The following UTRN variants were observed in gnomAD, a reference collection of about 807,000 sequenced individuals.
The protein encoded by UTRN is utrophin.
In UTRN, 283 loss-of-function variants were observed where a neutral mutation model predicts 463.9. The ratio of observed to expected loss-of-function variants is 0.61; its 90% CI spans 0.55 to 0.67. The LOEUF (loss-of-function observed/expected upper bound fraction) is 0.67, where lower values mean the gene tolerates loss of function less well. Among genes scored for constraint, UTRN ranks in the 30% least tolerant of loss-of-function variants. UTRN has a pLI of 0.00. For missense variants in UTRN, 3,922 were observed against 4,084.3 expected (o/e 0.96, Z 1.08); for synonymous variants, 1,442 against 1,431.5 (o/e 1.01, Z -0.17).
chr6:144,795,294 C>A (rs542766003), intron 63 of UTRN, among the ~76,000 whole-genome samples: 227 of 152,178 alleles, frequency 1.5e-3, no homozygotes, highest in African/African-American at 5.1e-3. Flanking sequence ...GGGTTGGTTC[C>A]AACTCTTTGC....
intron 14 of UTRN, among the ~76,000 whole-genome samples, chr6:144,446,694 T>A (rs1263990991): frequency 6.6e-6 from 1 of 152,240 alleles, no homozygotes; most frequent in Non-Finnish European, 1.5e-5. Context: ...ATAATTGCTG[T>A]TGAACCTTGA....
intron 53 of UTRN, among the ~76,000 whole-genome samples, chr6:144,722,906 C>G (rs1787367100): frequency 6.6e-6 from 1 of 152,150 alleles, no homozygotes; most frequent in Admixed American, 6.5e-5. Context: ...CAGGTGGTAC[C>G]AGCCAAAGAA....
chr6:144,750,846 G>C (rs1409831019), intron 55 of UTRN, among the ~76,000 whole-genome samples: 1 of 152,056 alleles, frequency 6.6e-6, no homozygotes, highest in Non-Finnish European at 1.5e-5. Flanking sequence ...TCTTTACTGG[G>C]AACGTCAAGA....
chr6:144,375,962 A>G (rs1261779207), intron 2 of UTRN, among the ~76,000 whole-genome samples: 7 of 151,972 alleles, frequency 4.6e-5, no homozygotes, highest in African/African-American at 1.2e-4. Flanking sequence ...TATAAGTTGT[A>G]ATGGGTTTTT....
intron 52 of UTRN, among the ~76,000 whole-genome samples, chr6:144,686,871 A>G (rs889581007): frequency 3.9e-5 from 6 of 152,048 alleles, no homozygotes; most frequent in African/African-American, 1.4e-4. Context: ...AATTTAGACC[A>G]TTTATGTTCA....
chr6:144,774,473 C>A, intron 60 of UTRN, 109 bp downstream of exon 60: 1 of 935,458 alleles, frequency 1.1e-6, no homozygotes, highest in Non-Finnish European at 1.6e-6. Context: ...TTAATCTGGT[C>A]TTCAGTGTAC....
At chr6:144,594,663 A>G (rs1803460672) in intron 51 of UTRN, among the ~76,000 whole-genome samples, 1 of 152,138 alleles carries the variant, frequency 6.6e-6, no homozygotes, top group Non-Finnish European at 1.5e-5. Flanking sequence ...AAAATGTACA[A>G]TTCAGTGCTT....
chr6:144,830,879 A>G (rs1183055428), intron 69 of UTRN, among the ~76,000 whole-genome samples: 1 of 152,194 alleles, frequency 6.6e-6, no homozygotes, highest in East Asian at 1.9e-4. Flanking sequence ...GTGGTGTACA[A>G]ATGTGTATCT....
chr6:144,656,273 A>G (rs764596039), intron 51 of UTRN, among the ~76,000 whole-genome samples: 2 of 152,200 alleles, frequency 1.3e-5, no homozygotes, highest in Non-Finnish European at 2.9e-5. Context: ...TATTGCTTAC[A>G]CTGGAGGCAT....
intron 46 of UTRN, among the ~76,000 whole-genome samples, chr6:144,546,802 C>T (rs1371740220): frequency 2.0e-5 from 3 of 150,902 alleles, no homozygotes; most frequent in African/African-American, 4.9e-5. Flanking sequence ...GAGTGAGCCC[C>T]TATCTCAAAG....
At chr6:144,766,948 T>G (rs1420130639) in intron 58 of UTRN, among the ~76,000 whole-genome samples, 1 of 152,016 alleles carries the variant, frequency 6.6e-6, no homozygotes, top group African/African-American at 2.4e-5. Context: ...ATTTCTCAGT[T>G]AAAGGGGAGA....
chr6:144,762,196 G>A (rs942728455), intron 58 of UTRN, among the ~76,000 whole-genome samples: 10 of 152,158 alleles, frequency 6.6e-5, no homozygotes, highest in Non-Finnish European at 1.3e-4. Context: ...AGATTACACA[G>A]CTGGTAAATA....
At chr6:144,546,311 A>G (rs1471301663) in intron 46 of UTRN, among the ~76,000 whole-genome samples, 1 of 152,176 alleles carries the variant, frequency 6.6e-6, no homozygotes, top group Admixed American at 6.5e-5. Context: ...CATTACCAGC[A>G]CCTCAACACT....
In UTRN at chr6:144,539,164, A is replaced by C. The variant is rs566051928; in HGVS notation, c.6370-130A>C. 4.6e-5 allele frequency: 49 copies of C among 1,054,104 alleles called. No individual in the cohort carries two copies. The South Asian group carries it at 8.9e-4, about 19-fold the overall frequency. The allele number at this position is 1,054,104 out of a possible 1,614,324, so 65.3% of individuals were successfully genotyped here. On this transcript the variant is annotated intron_variant, in intron 44 of 74. Transcript: ENST00000367545. Reference sequence around the variant, plus strand: ...GTTAGCATGAGCTTAAGCTTCTTATAAGTTTATTTTTTCACTTAACAAATT... The same window carrying C: ...GTTAGCATGAGCTTAAGCTTCTTATCAGTTTATTTTTTCACTTAACAAATT...
At chr6:144,427,356 T>C (rs1785387923) in intron 7 of UTRN, among the ~76,000 whole-genome samples, 3 of 152,224 alleles carry the variant, frequency 2.0e-5, no homozygotes, top group Admixed American at 2.0e-4. Flanking sequence ...TCTATGTTTT[T>C]TTGCTGGTAT....
rs190573705 is a variant in UTRN, at chr6:144,342,419, C to T, written c.79+50512C>T. Among the ~76,000 whole-genome samples, 34 of 151,868 alleles carry T rather than the reference C, an allele frequency of 2.2e-4. 1 individual carries two copies. The highest frequency in any genetic ancestry group is 1.7e-3 in the East Asian group (9 of 5,176). On this transcript the variant is annotated intron_variant, in intron 2 of 74. Transcript: ENST00000367545. ...TGAAAATGTATGCCCACATCAAAAA[C>T]GTGTACACAAATGCTCATAGCAGAA... is the stretch of plus-strand genomic sequence containing the variant.
intron 51 of UTRN, among the ~76,000 whole-genome samples, chr6:144,601,630 T>C (rs995915194): frequency 4.6e-5 from 7 of 152,192 alleles, no homozygotes; most frequent in African/African-American, 1.7e-4. Flanking sequence ...CTGGTGAAGA[T>C]GCTATGAACA....
intron 53 of UTRN, among the ~76,000 whole-genome samples, chr6:144,701,923 C>T (rs888940502): frequency 6.6e-6 from 1 of 151,992 alleles, no homozygotes; most frequent in Admixed American, 6.6e-5. Flanking sequence ...AAGGAAAACA[C>T]TGTTGATGTA....
In UTRN at chr6:144,776,731, T is replaced by C. The variant is rs116338134; in HGVS notation, c.8632+2367T>C. Among the ~76,000 whole-genome samples the C allele has an allele frequency of 1.4e-3, 220 of 152,356 alleles. 1 individual carries two copies. Among genetic ancestry groups the C allele is most frequent in the African/African-American group, 4.8e-3 (201 of 41,582 alleles). The stretch of plus-strand genomic sequence containing the variant: ...AACTCTGTATTCCATTCCTCCTGCC[T>C]AAAAAGCACTTGTCTTAGCTCTTTG... On this transcript the variant is annotated intron_variant, in intron 60 of 74. Transcript: ENST00000367545.
Sources: allele counts gnomAD v4.1 joint callset (sites outside exome capture counted in the v4.1 genomes callset), GRCh38; gene constraint gnomAD v4.1.1; transcripts MANE v1.5; gene names NCBI Gene and HGNC (gene_info 2026-07-23, HGNC 2026-07-21).